Variants in ZMPSTE24 observed in about 807,000 individuals in gnomAD.
ZMPSTE24 encodes zinc metallopeptidase STE24.
Under a neutral mutation model 56.7 loss-of-function variants are expected in ZMPSTE24, and 48 were observed. The observed-to-expected ratio is 0.85, with a 90% CI of 0.67 to 1.08. ZMPSTE24 has a LOEUF of 1.08. Among genes scored for constraint, ZMPSTE24 ranks in the 50% least tolerant of loss-of-function variants. The pLI is 0.00. For synonymous variants in ZMPSTE24, 172 were observed against 195.2 expected (o/e 0.88, Z 0.99); for missense variants, 503 against 548.7 (o/e 0.92, Z 0.83).
chr1:40,277,915 G>A (rs1027483603), intron 6 of ZMPSTE24, among the ~76,000 whole-genome samples: 11 of 136,808 alleles, frequency 8.0e-5, no homozygotes, highest in African/African-American at 3.2e-4. Context: ...GCTGCAGTGA[G>A]CAGAGATCGC....
intron 1 of ZMPSTE24, chr1:40,259,673 T>A (rs959014234): frequency 6.6e-6 from 1 of 152,252 alleles, no homozygotes; most frequent in Non-Finnish European, 1.5e-5. Context: ...AGCATCATCA[T>A]AGCTCAAGGC....
chr1:40,259,855 T>TC (rs1228813973), intron 1 of ZMPSTE24, among the ~76,000 whole-genome samples: 1 of 151,992 alleles, frequency 6.6e-6, no homozygotes, highest in African/African-American at 2.4e-5. Context: ...CGCCTCCACC[T>TC]CCCAAAGGGC....
intron 7 of ZMPSTE24, among the ~76,000 whole-genome samples, chr1:40,284,113 T>C (rs1033579441): frequency 6.8e-6 from 1 of 147,894 alleles, no homozygotes; most frequent in Admixed American, 6.7e-5. Context: ...TTTTTTTTTT[T>C]TTTTTTTTTT....
In ZMPSTE24 at chr1:40,290,742, G is replaced by A. The variant is rs558937373; in HGVS notation, c.1060-112G>A. The A allele has an allele frequency of 1.4e-4, 184 of 1,333,824 alleles. 1 individual carries two copies. Among genetic ancestry groups the A allele is most frequent in the Middle Eastern group, 1.3e-3 (5 of 3,780 alleles). 82.6% of individuals were successfully genotyped at this position (1,333,824 alleles called of 1,614,324 possible). Reference sequence around the variant, plus strand: ...CTCCCAAAGTGCTGGGATTACAGGCGTGAGCCACCGCGCCCGGCCACACTG... The same window carrying A: ...CTCCCAAAGTGCTGGGATTACAGGCATGAGCCACCGCGCCCGGCCACACTG... On this transcript the variant is annotated intron_variant, in intron 8 of 9. Coordinates refer to ENST00000372759, the MANE Select transcript of ZMPSTE24 (RefSeq NM_005857.5).
Position 40,261,900 on chromosome 1 carries a change from G to A in ZMPSTE24, c.270+915G>A, listed in dbSNP as rs756818682. 5.3e-5 allele frequency among the ~76,000 whole-genome samples: 8 copies of A among 152,050 alleles called. No homozygotes were observed. In the East Asian group the frequency reaches 7.7e-4, roughly 15 times the overall value. On this transcript the variant is annotated intron_variant, in intron 2 of 9. Coordinates refer to ENST00000372759, the MANE Select transcript of ZMPSTE24 (RefSeq NM_005857.5). ...AATTTTTTGTATTTTTAGTAGAGAC[G>A]GGGTTTCACCATGTTAGCCAGGATG...
chr1:40,258,512 C>T, intron 1 of ZMPSTE24, 118 bp downstream of exon 1: 1 of 1,555,488 alleles, frequency 6.4e-7, no homozygotes, highest in Middle Eastern at 1.7e-4. Flanking sequence ...TCTTTGTGGT[C>T]CCTGCTGAGT....
intron 6 of ZMPSTE24, among the ~76,000 whole-genome samples, chr1:40,276,190 C>T (rs1446051106): frequency 6.6e-6 from 1 of 152,160 alleles, no homozygotes. Context: ...ATACAAACAA[C>T]AAATAAGTCT....
intron 5 of ZMPSTE24, 77 bp downstream of exon 5, chr1:40,270,204 A>G (rs1202747577): frequency 2.6e-6 from 4 of 1,516,124 alleles, no homozygotes; most frequent in Middle Eastern, 1.9e-4. Flanking sequence ...TGGCATGTAA[A>G]CAGTTCTTAA....
At chr1:40,288,472 G>A (rs1425040120) in intron 8 of ZMPSTE24, among the ~76,000 whole-genome samples, 1 of 152,210 alleles carries the variant, frequency 6.6e-6, no homozygotes, top group East Asian at 1.9e-4. Flanking sequence ...CCTTATCAAG[G>A]CTGGGATTGA....
chr1:40,270,170 T>A, intron 5 of ZMPSTE24, 43 bp downstream of exon 5: 1 of 1,603,276 alleles, frequency 6.2e-7, no homozygotes, highest in Non-Finnish European at 8.5e-7. Context: ...AAAAGTTCCT[T>A]GGTGAGATTA....
chr1:40,289,995 A>G (rs913256314), intron 8 of ZMPSTE24, among the ~76,000 whole-genome samples: 8 of 152,210 alleles, frequency 5.3e-5, no homozygotes, highest in African/African-American at 1.9e-4. Flanking sequence ...CAAACCCTCA[A>G]TGATAGGAGC....
chr1:40,276,458 G>A (rs1401596666), intron 6 of ZMPSTE24, among the ~76,000 whole-genome samples: 1 of 152,160 alleles, frequency 6.6e-6, no homozygotes, highest in East Asian at 1.9e-4. Flanking sequence ...ACCAGGAGAA[G>A]ATCGTGTTTT....
intron 8 of ZMPSTE24, among the ~76,000 whole-genome samples, chr1:40,290,450 ATTTTTTTTT>A (rs996301433): frequency 6.1e-3 from 500 of 82,558 alleles, no homozygotes; most frequent in African/African-American, 0.016. Flanking sequence ...CACACTATGA[ATTTTTTTTT>A]TTTTTTTTTT....
chr1:40,261,077 C>A, intron 2 of ZMPSTE24, 92 bp downstream of exon 2: 1 of 1,478,630 alleles, frequency 6.8e-7, no homozygotes, highest in South Asian at 1.1e-5. Context: ...ACTTACAAGT[C>A]CCAGAATGCT....
At position 40,292,848 on chromosome 1, in the gene ZMPSTE24, C is replaced by T. The variant is rs375312605; in HGVS notation, c.*179C>T. The T allele has an allele frequency of 7.1e-5, 39 of 548,182 alleles. 1 individual carries two copies. The highest frequency in any genetic ancestry group is 1.9e-4 in the East Asian group (6 of 31,124). The allele number at this position is 548,182 out of a possible 1,614,324, so 34.0% of individuals were successfully genotyped here. On this transcript the variant is annotated 3_prime_UTR_variant, in exon 10 of 10. Coordinates refer to ENST00000372759, the MANE Select transcript of ZMPSTE24 (RefSeq NM_005857.5). ...TTTTAATAATTCATTTCTTAAAACA[C>T]TGAATGAATTTTGAAGCTTAATGTT... is the stretch of plus-strand genomic sequence containing the variant.
chr1:40,263,128 C>T (rs1010010584), intron 2 of ZMPSTE24: 2 of 417,704 alleles, frequency 4.8e-6, no homozygotes, highest in African/African-American at 4.3e-5. Context: ...TAGACAGTAG[C>T]TTGGTAATTA....
intron 6 of ZMPSTE24, among the ~76,000 whole-genome samples, chr1:40,280,395 C>CA (rs1440342071): frequency 6.6e-6 from 1 of 151,862 alleles, no homozygotes; most frequent in Non-Finnish European, 1.5e-5. Context: ...ATTTTGAACT[C>CA]AAAGAAGAAA....
At chr1:40,264,059 C>T (rs117400538) in intron 2 of ZMPSTE24, among the ~76,000 whole-genome samples, 1,557 of 152,232 alleles carry the variant, frequency 0.01, 68 homozygotes, top group East Asian at 0.09. Flanking sequence ...GGGCTGGGTA[C>T]GGTGGCTCAC....
At chr1:40,277,770 A>G (rs946181151) in intron 6 of ZMPSTE24, among the ~76,000 whole-genome samples, 2 of 151,908 alleles carry the variant, frequency 1.3e-5, no homozygotes, top group African/African-American at 4.8e-5. Context: ...GGAGTTCGAG[A>G]CCAGCCTGGC....
Sources: gnomAD v4.1 joint callset for allele counts (sites outside exome capture counted in the v4.1 genomes callset) on GRCh38, gnomAD v4.1.1 for gene constraint, MANE v1.5 for transcripts, NCBI Gene and HGNC (gene_info 2026-07-23, HGNC 2026-07-21) for gene names.